COL6A3: variants seen among roughly 807,000 people sequenced by gnomAD.
The protein encoded by COL6A3 is collagen type VI alpha 3 chain.
In COL6A3, 137 loss-of-function variants were observed where a neutral mutation model predicts 274.1. The ratio of observed to expected loss-of-function variants is 0.50; its 90% CI spans 0.44 to 0.58. The LOEUF is 0.58. Ranked by LOEUF, COL6A3 falls within the 20% of genes least tolerant of loss-of-function variation. The probability of loss-of-function intolerance (pLI) is 0.00; values close to 1 mark genes in which losing one functional copy is unlikely to be tolerated. For missense variants in COL6A3, 3,950 were observed against 4,124.9 expected (o/e 0.96, Z 1.16); for synonymous variants, 1,650 against 1,650.6 (o/e 1.00, Z 0.01).
intron 3 of COL6A3, among the ~76,000 whole-genome samples, chr2:237,389,464 C>CA (rs2078233707): frequency 6.6e-6 from 1 of 152,152 alleles, no homozygotes; most frequent in Non-Finnish European, 1.5e-5. Flanking sequence ...TAGGTAAGAC[C>CA]ATTCACTCTG....
intron 1 of COL6A3, among the ~76,000 whole-genome samples, chr2:237,408,013 C>T (rs532685338): frequency 6.6e-6 from 1 of 152,298 alleles, no homozygotes; most frequent in African/African-American, 2.4e-5. Flanking sequence ...TGCTACTGAC[C>T]TTTCCAAAAC....
chr2:237,388,180 T>G lies in COL6A3; in HGVS notation c.714A>C (p.Gln238His), dbSNP rs1197201154. 6.2e-7 allele frequency: 1 copy of G among 1,614,024 alleles called. No homozygotes were observed. The change falls in exon 4 of 44, where the codon CAA (glutamine) becomes CAC (histidine). Residue 238 changes from glutamine (Q) to histidine (H), a missense_variant. Gln to His is a conservative substitution (Grantham distance 24). Coordinates refer to ENST00000295550, the MANE Select transcript of COL6A3 (RefSeq NM_004369.4). ...DTETLKDITA[Q>H]DSADIIFLID... is the part of the protein sequence containing the mutation. ...TAAGGAAAATAATGTCAGCAGAGTC[T>G]TGTGCTTTAAAAGAAAGAAATGCAA...
Position 237,366,853 on chromosome 2 carries a change from C to A in COL6A3, c.5334G>T (p.Val1778=), listed in dbSNP as rs753642714. ...CAACCTCCTCCGAGTCGATATTCCT[C>A]ACTCCAACAGCAAACACTTTGACCC... ...QRGVKVFAVG[V]RNIDSEEVGK... The change falls in exon 11 of 44, where the codon GTG becomes GTT. Residue 1778 remains valine, a synonymous_variant. Coordinates refer to ENST00000295550, the MANE Select transcript of COL6A3 (RefSeq NM_004369.4). The A allele has an allele frequency of 6.2e-7, 1 of 1,614,144 alleles. No individual in the cohort carries two copies. The highest frequency in any genetic ancestry group is 1.3e-5 in the African/African-American group (1 of 74,936).
chr2:237,388,186 T>C lies in COL6A3; in HGVS notation c.710-2A>G. 6.2e-7 allele frequency: 1 copy of C among 1,613,944 alleles called. No individual in the cohort carries two copies. The highest frequency in any genetic ancestry group is 2.2e-5 in the East Asian group (1 of 44,882). On this transcript the variant is annotated splice_acceptor_variant, in intron 3 of 43. Transcript: ENST00000295550. LOFTEE classifies it high-confidence loss of function. ...AAATAATGTCAGCAGAGTCTTGTGCTTTAAAAGAAAGAAATGCAAAAAATG... is the reference window on the plus strand; with the variant it reads ...AAATAATGTCAGCAGAGTCTTGTGCCTTAAAAGAAAGAAATGCAAAAAATG...
intron 42 of COL6A3, chr2:237,326,244 A>AGT (rs58879455): frequency 0.073 from 11,018 of 151,600 alleles, 437 homozygotes; most frequent in African/African-American, 0.11. Context: ...ATCCTTTATG[A>AGT]GTGTGTGTGT....
chr2:237,353,445 C>A, intron 24 of COL6A3, 42 bp from the exon 25 acceptor site: 1 of 1,555,260 alleles, frequency 6.4e-7, no homozygotes, highest in East Asian at 2.2e-5. Context: ...CAGGATGGTT[C>A]CTGTCAATGT....
chr2:237,340,377 A>G (rs1230488020), intron 38 of COL6A3, 75 bp downstream of exon 38: 37 of 1,397,928 alleles, frequency 2.6e-5, no homozygotes, highest in Non-Finnish European at 3.7e-5. Context: ...TGTCTTTTCC[A>G]TGACTGTTCC....
rs183354369 is a variant in COL6A3 at position 237,330,363 on chromosome 2, G to T, written c.9328+3087C>A. ...CAGGAGGCCACGGTAACGAATGAAA[G>T]ATCCACTGCTGCTCACTGCCATTTA... On this transcript the variant is annotated intron_variant, in intron 42 of 43. Transcript: ENST00000295550. Among the ~76,000 whole-genome samples, 321 of 152,310 alleles carry T rather than the reference G, an allele frequency of 2.1e-3. 3 individuals carry two copies. The highest frequency in any genetic ancestry group is 6.8e-3 in the Middle Eastern group (2 of 294).
chr2:237,383,322 A>C (rs1416666205), intron 4 of COL6A3, among the ~76,000 whole-genome samples: 1 of 152,192 alleles, frequency 6.6e-6, no homozygotes, highest in Admixed American at 6.5e-5. Context: ...CTGGTGTAAC[A>C]ATGTGTGCAG....
rs777465480 is a variant in COL6A3 at position 237,396,807 on chromosome 2, T to C, written c.11A>G (p.His4Arg). 5.6e-6 allele frequency: 9 copies of C among 1,614,076 alleles called. No individual in the cohort carries two copies. In the East Asian group the frequency reaches 1.1e-4, roughly 20 times the overall value. The change falls in exon 2 of 44, where the codon CAT becomes CGT. Residue 4 changes from histidine to arginine, a missense_variant. His to Arg is a conservative substitution (Grantham distance 29). Coordinates refer to ENST00000295550, the MANE Select transcript of COL6A3 (RefSeq NM_004369.4). Reference protein sequence around the residue: MRKHRHLPLVAVFC... With the variant: MRKRRHLPLVAVFC... ...GACGGCCACTAAGGGCAAGTGCCGA[T>C]GTTTCCTCATTTTGAATTTGTCTAA... is the stretch of plus-strand genomic sequence containing the variant.
chr2:237,352,896 T>C (rs1317431612), intron 25 of COL6A3, among the ~76,000 whole-genome samples: 1 of 152,152 alleles, frequency 6.6e-6, no homozygotes, highest in Non-Finnish European at 1.5e-5. Flanking sequence ...AACCAATGAG[T>C]GGATAAACAA....
rs543207245 is a variant in COL6A3 at position 237,382,948 on chromosome 2, C to T, written c.1313-1449G>A. ...GATTACAGGTATGCACGACCACGCC[C>T]GGCTAATTTTTGTTTTGTTTTGTTT... On this transcript the variant is annotated intron_variant, in intron 4 of 43. Coordinates refer to ENST00000295550, the MANE Select transcript of COL6A3 (RefSeq NM_004369.4). Among the ~76,000 whole-genome samples the T allele has an allele frequency of 3.2e-3, 490 of 152,158 alleles. 1 individual carries two copies. The highest frequency in any genetic ancestry group is 5.2e-3 in the Non-Finnish European group (356 of 67,978).
At chr2:237,394,521 AG>A in intron 3 of COL6A3, 65 bp downstream of exon 3, 1 of 1,608,478 alleles carries the variant, frequency 6.2e-7, no homozygotes, top group Non-Finnish European at 8.5e-7. Flanking sequence ...CTTTAAGGCC[AG>A]CAGTTGCCAA....
Position 237,387,621 on chromosome 2 carries a change from T to C in COL6A3, c.1273A>G (p.Arg425Gly), listed in dbSNP as rs747740505. The change falls in exon 4 of 44, where the codon AGG (arginine) becomes GGG (glycine). Residue 425 changes from arginine to glycine, a missense_variant. By Grantham distance (125) the Arg-to-Gly change is moderately radical. Coordinates refer to ENST00000295550, the MANE Select transcript of COL6A3 (RefSeq NM_004369.4). ...LLPYIVGVAQ[R>G]HIVLKPPTIV... ...GTTGGCGGTTTCAAGACAATGTGCC[T>C]TTGGGCCACGCCAACAATGTACGGC... The C allele has an allele frequency of 6.2e-7, 1 of 1,613,844 alleles. No individual in the cohort carries two copies. The highest frequency in any genetic ancestry group is 1.1e-5 in the South Asian group (1 of 90,930).
intron 21 of COL6A3, among the ~76,000 whole-genome samples, 186 bp downstream of exon 21, chr2:237,358,335 T>C (rs1432314956): frequency 6.6e-6 from 1 of 152,232 alleles, no homozygotes; most frequent in Non-Finnish European, 1.5e-5. Flanking sequence ...TGCAAATGAT[T>C]ATCTGGTTAG....
At chr2:237,387,021 G>GA (rs559988495) in intron 4 of COL6A3, among the ~76,000 whole-genome samples, 15 of 148,532 alleles carry the variant, frequency 1.0e-4, no homozygotes, top group East Asian at 2.0e-4. Context: ...ACAAGCACAA[G>GA]AAAAAAAAAA....
intron 16 of COL6A3, among the ~76,000 whole-genome samples, chr2:237,360,712 T>C (rs1354864055): frequency 6.6e-6 from 1 of 152,128 alleles, no homozygotes; most frequent in Non-Finnish European, 1.5e-5. Flanking sequence ...GATGATCTGA[T>C]CCAGCAACAT....
intron 1 of COL6A3, among the ~76,000 whole-genome samples, chr2:237,399,051 T>C (rs558745888): frequency 1.3e-5 from 2 of 152,302 alleles, no homozygotes; most frequent in South Asian, 4.2e-4. Context: ...GTGGCCAAGG[T>C]GCACAACTAT....
At position 237,340,965 on chromosome 2, in the gene COL6A3, T is replaced by C. The variant is rs753501207; in HGVS notation, c.7951A>G (p.Met2651Val). ...TGGGAGGCCTTGGGATCTGGGCTCA[T>C]GTCCAGTTGTCTGACCAGGTACGCT... The part of the protein sequence containing the change: ...YIAYLVRQLD[M>V]SPDPKASQHF... The change falls in exon 38 of 44, where the codon ATG (methionine) becomes GTG (valine). Residue 2651 changes from methionine to valine, a missense_variant. Physicochemically the swap from Met to Val is conservative, Grantham distance 21. This residue lies in a region of COL6A3 where 1,284 missense variants were observed against 1,349.7 expected (regional missense o/e 0.95). Transcript: ENST00000295550. 5 of 1,614,066 alleles carry C rather than the reference T, an allele frequency of 3.1e-6. No homozygotes were observed. The highest frequency in any genetic ancestry group is 4.2e-6 in the Non-Finnish European group (5 of 1,180,028).
Sources: allele counts gnomAD v4.1 joint callset (sites outside exome capture counted in the v4.1 genomes callset), GRCh38; gene constraint gnomAD v4.1.1; regional missense constraint gnomAD v4.1.1; transcripts MANE v1.5; gene names NCBI Gene and HGNC (gene_info 2026-07-23, HGNC 2026-07-21).